THSD7B: variants seen among roughly 807,000 people sequenced by gnomAD.
THSD7B encodes the protein thrombospondin type 1 domain containing 7B.
THSD7B carries 138 observed loss-of-function variants against 213.6 expected under a neutral mutation model. The ratio of observed to expected loss-of-function variants is 0.65; its 90% confidence interval spans 0.56 to 0.74. The LOEUF is 0.74. Ranked by LOEUF, THSD7B falls within the 30% of genes least tolerant of loss-of-function variation. THSD7B has a pLI of 0.00. For synonymous variants in THSD7B, 742 were observed against 687.0 expected, an observed-to-expected ratio of 1.08 and a Z score of -1.25; for missense variants, 1,931 against 1,991.5, an observed-to-expected ratio of 0.97 and a Z score of 0.58.
At chr2:136,979,077 T>G (rs1211385090) in intron 2 of THSD7B, among the ~76,000 whole-genome samples, 1 of 152,194 alleles carries the variant, frequency 6.6e-6, no homozygotes, top group Admixed American at 6.5e-5. Flanking sequence ...TATGAAATTC[T>G]GGGTTGGAAA....
At chr2:137,504,487 A>T (rs1239224219) in intron 15 of THSD7B, among the ~76,000 whole-genome samples, 1 of 152,152 alleles carries the variant, frequency 6.6e-6, no homozygotes, top group Admixed American at 6.5e-5. Flanking sequence ...CTTTATGAGG[A>T]TGTCCAAAAT....
intron 2 of THSD7B, among the ~76,000 whole-genome samples, chr2:136,976,337 C>CT (rs1467059616): frequency 1.3e-5 from 2 of 152,142 alleles, no homozygotes; most frequent in Non-Finnish European, 2.9e-5. Context: ...TTTAGAGGTA[C>CT]TTTTCTTCAA....
At chr2:137,382,151 A>C (rs370005910) in intron 12 of THSD7B, among the ~76,000 whole-genome samples, 7 of 152,168 alleles carry the variant, frequency 4.6e-5, no homozygotes, top group South Asian at 2.1e-4. Context: ...GAGAGCCAGA[A>C]ACAGTTTGTC....
chr2:137,106,044 A>C (rs1688241637), intron 4 of THSD7B, among the ~76,000 whole-genome samples: 1 of 152,206 alleles, frequency 6.6e-6, no homozygotes, highest in African/African-American at 2.4e-5. Context: ...AGAAAAAACT[A>C]CTTTAAATTT....
chr2:137,342,705 AAGATTTTG>A (rs1265229483), intron 12 of THSD7B, among the ~76,000 whole-genome samples: 2 of 68,046 alleles, frequency 2.9e-5, no homozygotes, highest in Non-Finnish European at 7.0e-5. Flanking sequence ...ATTTGGTGAG[AAGATTTTG>A]TTTTGTTTTG....
At chr2:137,308,808 T>C (rs1158187879) in intron 12 of THSD7B, among the ~76,000 whole-genome samples, 1 of 152,188 alleles carries the variant, frequency 6.6e-6, no homozygotes, top group Non-Finnish European at 1.5e-5. Context: ...TATGTATATG[T>C]ACTGACACAC....
chr2:137,543,010 A>G (rs998392773), intron 15 of THSD7B, among the ~76,000 whole-genome samples: 3 of 151,778 alleles, frequency 2.0e-5, no homozygotes, highest in South Asian at 2.1e-4. Context: ...TCACAGAGCT[A>G]AAGTCAAGGT....
chr2:137,363,942 A>C (rs908482830), intron 12 of THSD7B, among the ~76,000 whole-genome samples: 1 of 152,218 alleles, frequency 6.6e-6, no homozygotes, highest in Non-Finnish European at 1.5e-5. Flanking sequence ...AACAAAAAAA[A>C]GAGAATTTTA....
At chr2:137,264,564 A>G (rs904151894) in intron 10 of THSD7B, among the ~76,000 whole-genome samples, 2 of 152,136 alleles carry the variant, frequency 1.3e-5, no homozygotes, top group Non-Finnish European at 2.9e-5. Context: ...AGCCTTCTTA[A>G]TGACAATTTG....
In THSD7B at chr2:136,803,840, A is replaced by C. The variant is rs1205197290; in HGVS notation, c.-36+38153A>C. Among the ~76,000 whole-genome samples, 3 of 152,284 alleles carry C rather than the reference A, an allele frequency of 2.0e-5. No individual in the cohort carries two copies. The East Asian group carries it at 5.8e-4, about 29-fold the overall frequency. On this transcript the variant is annotated intron_variant, in intron 1 of 27. Transcript: ENST00000409968. Reference sequence around the variant, plus strand: ...CAAACACCCAAGAACCAGGAGTGCCAGTGTGGGAGGGCAAGAGAAGATGGA... The same window carrying C: ...CAAACACCCAAGAACCAGGAGTGCCCGTGTGGGAGGGCAAGAGAAGATGGA...
intron 2 of THSD7B, among the ~76,000 whole-genome samples, chr2:136,990,128 C>T (rs910417217): frequency 5.9e-5 from 9 of 152,136 alleles, no homozygotes; most frequent in South Asian, 2.1e-4. Context: ...CTGAGGCAAC[C>T]GAGGTCAAAA....
chr2:136,936,004 T>A (rs1259630170), intron 2 of THSD7B, among the ~76,000 whole-genome samples: 3 of 148,650 alleles, frequency 2.0e-5, no homozygotes, highest in African/African-American at 7.3e-5. Context: ...TAGAAATATA[T>A]ATTTCTAGAA....
rs907709948 is a variant in THSD7B, at chr2:137,468,311, T to A, written c.3138+17288T>A. ...AAAAGTTTAAAAAGCCCCAGAGGGA[T>A]GATACATTCAGAAGAGGTGAGGGTA... On this transcript the variant is annotated intron_variant, in intron 15 of 27. Coordinates refer to ENST00000409968, the MANE Select transcript of THSD7B (RefSeq NM_001316349.2). Among the ~76,000 whole-genome samples the A allele has an allele frequency of 4.6e-5, 7 of 152,202 alleles. No homozygotes were observed. The East Asian group carries it at 9.7e-4, about 21-fold the overall frequency.
chr2:137,396,886 T>C (rs952620690), intron 12 of THSD7B, among the ~76,000 whole-genome samples: 3 of 150,972 alleles, frequency 2.0e-5, no homozygotes, highest in East Asian at 1.9e-4. Flanking sequence ...AGTTAGCTCT[T>C]CTTGTTGAAT....
intron 20 of THSD7B, among the ~76,000 whole-genome samples, chr2:137,637,060 A>T (rs1682846587): frequency 6.6e-6 from 1 of 152,174 alleles, no homozygotes; most frequent in African/African-American, 2.4e-5. Context: ...ATATGGCCAC[A>T]TCCTCCACTG....
At chr2:137,526,049 A>G (rs1026575164) in intron 15 of THSD7B, among the ~76,000 whole-genome samples, 1 of 152,018 alleles carries the variant, frequency 6.6e-6, no homozygotes, top group Non-Finnish European at 1.5e-5. Flanking sequence ...CCAGGCTGAC[A>G]GCCACTTGGT....
intron 12 of THSD7B, among the ~76,000 whole-genome samples, chr2:137,339,426 A>G (rs551457261): frequency 2.1e-4 from 32 of 152,150 alleles, no homozygotes; most frequent in African/African-American, 6.0e-4. Context: ...GGGATGTGAG[A>G]ATGGATGAAG....
At chr2:137,439,932 G>A (rs1573626620) in intron 14 of THSD7B, among the ~76,000 whole-genome samples, 1 of 152,106 alleles carries the variant, frequency 6.6e-6, no homozygotes, top group Non-Finnish European at 1.5e-5. Context: ...GAAGCTTACT[G>A]TGCAGACATT....
chr2:136,872,593 TTC>T (rs969851511), intron 1 of THSD7B, among the ~76,000 whole-genome samples: 16 of 151,594 alleles, frequency 1.1e-4, no homozygotes, highest in African/African-American at 3.9e-4. Context: ...TTTTCTTTCT[TTC>T]TTTCTTCCTT....
Sources: allele counts gnomAD v4.1 joint callset (sites outside exome capture counted in the v4.1 genomes callset), GRCh38; gene constraint gnomAD v4.1.1; transcripts MANE v1.5; gene names NCBI Gene and HGNC (gene_info 2026-07-23, HGNC 2026-07-21).